The following NELFA variants were observed in gnomAD, a reference collection of about 807,000 sequenced individuals.
NELFA encodes negative elongation factor complex member A, also known as negative elongation factor A.
In NELFA, 35 loss-of-function variants were observed where a neutral mutation model predicts 51.8. That is an observed-to-expected ratio of 0.68 (90% CI 0.52 to 0.90). NELFA has a LOEUF of 0.90. Ranked by LOEUF, NELFA falls within the 40% of genes least tolerant of loss-of-function variation. The probability of loss-of-function intolerance (pLI) is 0.00; values close to 1 mark genes in which losing one functional copy is unlikely to be tolerated. For missense variants in NELFA, 658 were observed against 746.4 expected, an observed-to-expected ratio of 0.88 and a Z score of 1.38; for synonymous variants, 417 against 338.4, an observed-to-expected ratio of 1.23 and a Z score of -2.55.
At chr4:1,986,074 G>A (rs1000971550) in intron 6 of NELFA, 40 bp downstream of exon 6, 6 of 1,545,538 alleles carry the variant, frequency 3.9e-6, no homozygotes, top group African/African-American at 2.7e-5. Context: ...GGGCCCGCAG[G>A]GACCCCCATT....
rs369083563 is a variant in NELFA, at chr4:2,004,346, T to C, written c.210+4404A>G. Among the ~76,000 whole-genome samples, 21 of 152,214 alleles carry C rather than the reference T, an allele frequency of 1.4e-4. No individual in the cohort carries two copies. The East Asian group carries it at 3.9e-3, about 28-fold the overall frequency. On this transcript the variant is annotated intron_variant, in intron 1 of 10. Transcript: ENST00000382882. Reference sequence around the variant, plus strand: ...AGGAAGAGGACTGGGCAAATGCTAATGAGTGTAGGATTTATTTGGGGGATG... The same window carrying C: ...AGGAAGAGGACTGGGCAAATGCTAACGAGTGTAGGATTTATTTGGGGGATG...
At chr4:2,008,613 C>T in intron 1 of NELFA, 137 bp downstream of exon 1, 1 of 900,302 alleles carries the variant, frequency 1.1e-6, no homozygotes, top group Non-Finnish European at 1.5e-6. Flanking sequence ...GGCGTGAGGG[C>T]GGGCCGGGGG....
At chr4:1,988,510 G>A (rs1728179138) in intron 3 of NELFA, among the ~76,000 whole-genome samples, 2 of 152,350 alleles carry the variant, frequency 1.3e-5, no homozygotes, top group Non-Finnish European at 2.9e-5. Context: ...GGGCCCAAGG[G>A]GCCAGCAGAG....
At chr4:1,997,774 A>G (rs1728464072) in intron 1 of NELFA, among the ~76,000 whole-genome samples, 1 of 152,156 alleles carries the variant, frequency 6.6e-6, no homozygotes, top group Non-Finnish European at 1.5e-5. Context: ...TCCCTCCATC[A>G]TGGGACAAAG....
chr4:1,987,223 G>A (rs892492645), intron 4 of NELFA, among the ~76,000 whole-genome samples: 10 of 152,182 alleles, frequency 6.6e-5, no homozygotes, highest in African/African-American at 1.9e-4. Flanking sequence ...CTGTAAGGCT[G>A]CCCTTTCAGC....
intron 4 of NELFA, chr4:1,987,515 G>C (rs1022821093): frequency 5.5e-6 from 1 of 182,344 alleles, no homozygotes; most frequent in African/African-American, 2.4e-5. Flanking sequence ...AGGGACACTC[G>C]GAACCCAAGA....
At chr4:1,991,990 G>T in intron 1 of NELFA, 1 of 386,612 alleles carries the variant, frequency 2.6e-6, no homozygotes, top group Non-Finnish European at 4.6e-6. Flanking sequence ...AGTCCACTGG[G>T]CCTACTCTTC....
intron 1 of NELFA, among the ~76,000 whole-genome samples, chr4:2,006,663 A>G (rs1728717299): frequency 6.6e-6 from 1 of 150,702 alleles, no homozygotes; most frequent in African/African-American, 2.4e-5. Context: ...CAGCTACTAC[A>G]GAGGTTTAGG....
chr4:1,987,728 T>A, intron 4 of NELFA, 190 bp downstream of exon 4: 1 of 578,558 alleles, frequency 1.7e-6, no homozygotes, highest in Non-Finnish European at 3.0e-6. Flanking sequence ...CCACACATCC[T>A]CCCAGGGAGC....
chr4:1,994,562 C>CA (rs561811060), intron 1 of NELFA, among the ~76,000 whole-genome samples: 1,306 of 125,012 alleles, frequency 0.01, 7 homozygotes, highest in African/African-American at 0.016. Flanking sequence ...AAGAGTCTGT[C>CA]AAAAAAAAAA....
intron 1 of NELFA, 71 bp from the exon 2 acceptor site, chr4:1,991,786 C>T (rs980520180): frequency 4.1e-6 from 6 of 1,477,228 alleles, no homozygotes; most frequent in African/African-American, 1.4e-5. Context: ...GCTGAGCTTC[C>T]GGATGGGCAC....
chr4:1,984,063 T>C lies in NELFA; in HGVS notation c.1087A>G (p.Ser363Gly). Residue 363 changes from serine (S) to glycine (G), a missense_variant, in exon 9 of 11, where the codon AGC becomes GGC. Coordinates refer to ENST00000382882, the MANE Select transcript of NELFA (RefSeq NM_005663.5). Reference sequence around the variant, plus strand: ...TTGAACTGCGCTGGCAACGTGGGGCTCGGGGCGCTGGGCTCCTCTGGTGGG... The same window carrying C: ...TTGAACTGCGCTGGCAACGTGGGGCCCGGGGCGCTGGGCTCCTCTGGTGGG... ...SRPPEEPSAP[S>G]PTLPAQFKQR... 1.9e-6 allele frequency: 3 copies of C among 1,599,960 alleles called. No individual in the cohort carries two copies. In the East Asian group the frequency reaches 6.7e-5, roughly 36 times the overall value.
At chr4:1,999,573 C>A (rs1728518890) in intron 1 of NELFA, among the ~76,000 whole-genome samples, 1 of 152,116 alleles carries the variant, frequency 6.6e-6, no homozygotes, top group South Asian at 2.1e-4. Context: ...GTAAAGGGAA[C>A]AATTCGACAA....
At chr4:2,001,966 C>T (rs1201718030) in intron 1 of NELFA, among the ~76,000 whole-genome samples, 1 of 150,762 alleles carries the variant, frequency 6.6e-6, no homozygotes, top group Admixed American at 6.6e-5. Flanking sequence ...TTTGGGAGGC[C>T]GAGGCGGACG....
chr4:1,983,773 C>A lies in NELFA; in HGVS notation c.1302+75G>T, dbSNP rs887963505. The stretch of plus-strand genomic sequence containing the variant: ...GCATCCCCCTGCAGGCACCGTGGCA[C>A]CCCCACGCTAGGGGAGGTGGCCAGG... On this transcript the variant is annotated intron_variant, in intron 9 of 10. Transcript: ENST00000382882. The A allele has an allele frequency of 3.3e-5, 53 of 1,595,414 alleles. 1 individual carries two copies. The Admixed American group carries it at 6.1e-4, about 18-fold the overall frequency.
Position 1,989,951 on chromosome 4 carries a change from CA to C in NELFA, c.383-83del. Reference sequence around the variant, plus strand: ...AGAGGAGCTGGCGGCTGCCCAGCCCCACACCCTCCTCAGTTAGGGTTAGGTC... The same window carrying C: ...AGAGGAGCTGGCGGCTGCCCAGCCCCCACCCTCCTCAGTTAGGGTTAGGTC... On this transcript the variant is annotated intron_variant, in intron 2 of 10. Transcript: ENST00000382882. The surrounding 1 kb of genome is among the most constrained non-coding windows in gnomAD (Gnocchi z 4.8). 1 of 1,516,760 alleles carries C rather than the reference CA, an allele frequency of 6.6e-7. No homozygotes were observed. Among genetic ancestry groups the C allele is most frequent in the Non-Finnish European group, 8.9e-7 (1 of 1,123,154 alleles). 94.0% of individuals were successfully genotyped at this position (1,516,760 alleles called of 1,614,324 possible). A position where few individuals can be genotyped will look rare whatever the true frequency, so the allele number is the denominator to read the frequency against.
chr4:1,991,267 C>T (rs1728259483), intron 2 of NELFA, among the ~76,000 whole-genome samples: 1 of 152,270 alleles, frequency 6.6e-6, no homozygotes, highest in Non-Finnish European at 1.5e-5. Context: ...CCTCACGGAG[C>T]CGACCAGAGA....
intron 1 of NELFA, chr4:2,007,303 G>A (rs908220618): frequency 1.1e-5 from 2 of 189,392 alleles, no homozygotes; most frequent in Non-Finnish European, 2.4e-5. Context: ...ATACCCTAGA[G>A]AAATCCAAGA....
At position 2,008,866 on chromosome 4, in the gene NELFA, G is replaced by C; in HGVS notation, c.94C>G (p.Leu32Val). 2 of 1,602,616 alleles carry C rather than the reference G, an allele frequency of 1.2e-6. No homozygotes were observed. The highest frequency in any genetic ancestry group is 8.5e-7 in the Non-Finnish European group (1 of 1,175,598). Residue 32 changes from leucine (L) to valine (V), a missense_variant, in exon 1 of 11, where the codon CTG becomes GTG. Coordinates refer to ENST00000382882, the MANE Select transcript of NELFA (RefSeq NM_005663.5). ...TTGTCGATGACCGCGGCCGTGAGCA[G>C]GGACGCGATGCTGGGCGGCGCCCAC... ...ELWAPPSIAS[L>V]LTAAVIDNIR... is the part of the protein sequence containing the mutation.
Sources: gnomAD v4.1 joint callset for allele counts (sites outside exome capture counted in the v4.1 genomes callset) on GRCh38, gnomAD v4.1.1 for gene constraint, Gnocchi (gnomAD v3.1) non-coding constraint, MANE v1.5 for transcripts, NCBI Gene and HGNC (gene_info 2026-07-23, HGNC 2026-07-21) for gene names.